Variants in URB2 observed in about 807,000 individuals in gnomAD.
The protein encoded by URB2 is URB2 ribosome biogenesis homolog.
Under a neutral mutation model 120.9 loss-of-function variants are expected in URB2, and 86 were observed. That is an observed-to-expected ratio of 0.71 (90% CI 0.60 to 0.85). The LOEUF (loss-of-function observed/expected upper bound fraction) is 0.85. Ranked by LOEUF, URB2 falls within the 40% of genes least tolerant of loss-of-function variation. URB2 has a pLI of 0.00. For missense variants in URB2, 1,765 were observed against 1,836.5 expected (o/e 0.96, Z 0.71); for synonymous variants, 755 against 758.4 (o/e 1.00, Z 0.07).
rs146968677 is a variant in URB2, at chr1:229,656,624, A to G, written c.4377+2236A>G. Among the ~76,000 whole-genome samples the G allele has an allele frequency of 3.5e-3, 527 of 152,346 alleles. 3 individuals carry two copies. The highest frequency in any genetic ancestry group is 0.012 in the African/African-American group (508 of 41,574). ...TTAAGTTTAATTAAATACCAGATCT[A>G]ATGCTAAATAGATCTCCTTTGCATT... On this transcript the variant is annotated intron_variant, in intron 9 of 9. Transcript: ENST00000258243.
rs202024489 is a variant in URB2 at position 229,637,518 on chromosome 1, G to C, written c.2905G>C (p.Asp969His). 5.0e-6 allele frequency: 8 copies of C among 1,614,090 alleles called. No homozygotes were observed. The highest frequency in any genetic ancestry group is 1.7e-5 in the Admixed American group (1 of 60,002). The change falls in exon 4 of 10, where the codon GAT becomes CAT. Residue 969 changes from aspartate to histidine, a missense_variant. Asp to His is a moderately conservative substitution (Grantham distance 81, BLOSUM62 -1). Transcript: ENST00000258243. ...RSVFKIMYGS[D>H]IFEVVLTSLF... ...TGTGTTCAAGATCATGTATGGTAGT[G>C]ATATTTTTGAGGTTGTACTGACCTC...
At chr1:229,658,632 TG>T (rs796145948) in intron 9 of URB2, among the ~76,000 whole-genome samples, 18 of 152,276 alleles carry the variant, frequency 1.2e-4, no homozygotes, top group African/African-American at 4.3e-4. Flanking sequence ...TGGGGTGAGA[TG>T]GGGGTCATAG....
intron 2 of URB2, among the ~76,000 whole-genome samples, chr1:229,630,332 G>A (rs1665627172): frequency 6.6e-6 from 1 of 152,196 alleles, no homozygotes; most frequent in Admixed American, 6.5e-5. Context: ...CAGAATGGAT[G>A]TTGTGTTAGC....
At chr1:229,648,262 T>C (rs989010309) in intron 7 of URB2, among the ~76,000 whole-genome samples, 1 of 152,246 alleles carries the variant, frequency 6.6e-6, no homozygotes, top group African/African-American at 2.4e-5. Context: ...ATCTCCAAGA[T>C]ATCTCATTGT....
chr1:229,634,951 C>T lies in URB2; in HGVS notation c.338C>T (p.Ser113Leu), dbSNP rs564888164. The T allele has an allele frequency of 9.1e-6, 14 of 1,542,152 alleles. No individual in the cohort carries two copies. In the African/African-American group the frequency reaches 9.7e-5, roughly 11 times the overall value. ...GAGAGAGTAGCTGAGTTCTCTCTTT[C>T]GGGATCCCAAAGAAACATCTGTGCT... The part of the protein sequence containing the change: ...INERVAEFSL[S>L]GSQRNICAVL... The change falls in exon 4 of 10, where the codon TCG becomes TTG. Residue 113 changes from serine (S) to leucine (L), a missense_variant. Physicochemically the swap from Ser to Leu is moderately radical, Grantham distance 145. Coordinates refer to ENST00000258243, the MANE Select transcript of URB2 (RefSeq NM_014777.4).
In URB2 at chr1:229,655,392, C is replaced by T. The variant is rs865865426; in HGVS notation, c.4377+1004C>T. 5.3e-5 allele frequency among the ~76,000 whole-genome samples: 8 copies of T among 152,126 alleles called. No homozygotes were observed. The South Asian group carries it at 6.2e-4, about 12-fold the overall frequency. ...AGGATTATAGGTGCCCACCACCACG[C>T]CCAGTTAATTTTTGTATTTTTAGTA... is the stretch of plus-strand genomic sequence containing the variant. On this transcript the variant is annotated intron_variant, in intron 9 of 9. Transcript: ENST00000258243.
intron 4 of URB2, among the ~76,000 whole-genome samples, chr1:229,643,153 T>A (rs1666053735): frequency 6.6e-6 from 1 of 152,178 alleles, no homozygotes; most frequent in Non-Finnish European, 1.5e-5. Flanking sequence ...GAGGAGGGGT[T>A]GGTCTTGCAG....
intron 9 of URB2, 86 bp from the exon 10 acceptor site, chr1:229,659,014 T>C: frequency 3.7e-6 from 5 of 1,345,418 alleles, no homozygotes; most frequent in Non-Finnish European, 5.1e-6. Flanking sequence ...AATTACTTGT[T>C]AGTGCTTCCC....
chr1:229,643,600 GT>G lies in URB2; in HGVS notation c.3704del (p.Leu1235Ter). 6.2e-7 allele frequency: 1 copy of G among 1,614,254 alleles called. No individual in the cohort carries two copies. The highest frequency in any genetic ancestry group is 8.5e-7 in the Non-Finnish European group (1 of 1,180,052). ...PHLGALFTQM[L>X]EVGTTEDLRL... ...ATTTGGGAGCCTTGTTCACCCAAAT[GT>G]TAGAGGTTGGGACGACAGAGGACTT... On this transcript the variant is annotated frameshift_variant, in exon 5 of 10. Coordinates refer to ENST00000258243, the MANE Select transcript of URB2 (RefSeq NM_014777.4). LOFTEE classifies it high-confidence loss of function.
chr1:229,645,457 C>G (rs1456014829), intron 5 of URB2, among the ~76,000 whole-genome samples: 2 of 152,170 alleles, frequency 1.3e-5, no homozygotes, highest in South Asian at 4.1e-4. Flanking sequence ...CCCCTCCTAT[C>G]TGTAAGCGTG....
chr1:229,635,208 G>T lies in URB2; in HGVS notation c.595G>T (p.Ala199Ser). ...AAGACGTGCCTTTGGGGATGTGACT[G>T]CTCACCTGCTCCAGCCGTGCCTGGT... ...NPRRAFGDVTAHLLQPCLVLR... is the reference protein window; with the variant it reads ...NPRRAFGDVTSHLLQPCLVLR... The change falls in exon 4 of 10, where the codon GCT becomes TCT. Residue 199 changes from alanine to serine, a missense_variant. Ala to Ser is a moderately conservative substitution (Grantham distance 99). Transcript: ENST00000258243. 6.2e-7 allele frequency: 1 copy of T among 1,614,232 alleles called. No homozygotes were observed. The highest frequency in any genetic ancestry group is 8.5e-7 in the Non-Finnish European group (1 of 1,180,044).
At position 229,627,599 on chromosome 1, in the gene URB2, T is replaced by C. The variant is rs1558159664; in HGVS notation, c.-13-22T>C. 1.0e-5 allele frequency: 16 copies of C among 1,603,872 alleles called. 1 individual carries two copies. Among genetic ancestry groups the C allele is most frequent in the South Asian group, 6.7e-5 (6 of 88,926 alleles). ...TCTGACATTGTTATAGTATTTTTTT[T>C]CCCATTGTTTTTAAATTTTAGATAA... is the stretch of plus-strand genomic sequence containing the variant. On this transcript the variant is annotated intron_variant, in intron 1 of 9. Coordinates refer to ENST00000258243, the MANE Select transcript of URB2 (RefSeq NM_014777.4).
intron 8 of URB2, among the ~76,000 whole-genome samples, chr1:229,651,527 T>G (rs1183203531): frequency 6.6e-6 from 1 of 152,252 alleles, no homozygotes; most frequent in Non-Finnish European, 1.5e-5. Flanking sequence ...ATCAGGCATC[T>G]CCTTATTGAA....
chr1:229,631,731 T>C (rs980113265), intron 2 of URB2, among the ~76,000 whole-genome samples: 1 of 152,182 alleles, frequency 6.6e-6, no homozygotes, highest in Admixed American at 6.5e-5. Flanking sequence ...AAGGACACGG[T>C]TCATGGTGCC....
chr1:229,628,190 AAT>A (rs1335595491), intron 2 of URB2, among the ~76,000 whole-genome samples: 10 of 144,500 alleles, frequency 6.9e-5, no homozygotes, highest in East Asian at 3.9e-4. Context: ...TAATATATAT[AAT>A]ATATATGTAT....
At chr1:229,649,490 A>G (rs1332058425) in intron 7 of URB2, among the ~76,000 whole-genome samples, 3 of 152,238 alleles carry the variant, frequency 2.0e-5, no homozygotes, top group African/African-American at 4.8e-5. Context: ...CCATTAGCAA[A>G]TGACCATTTA....
intron 8 of URB2, 41 bp downstream of exon 8, chr1:229,651,363 A>G (rs754999328): frequency 6.4e-7 from 1 of 1,567,344 alleles, no homozygotes; most frequent in Non-Finnish European, 8.7e-7. Context: ...AAATATATTC[A>G]TCATGAGGTG....
Position 229,647,539 on chromosome 1 carries a change from G to T in URB2, c.3936G>T (p.Gln1312His), listed in dbSNP as rs1666175462. Residue 1312 changes from glutamine (Q) to histidine (H), a missense_variant, in exon 7 of 10, where the codon CAG becomes CAT. Physicochemically the swap from Gln to His is conservative, Grantham distance 24. Transcript: ENST00000258243. ...TLLNREASQE[Q>H]PVSLTVVGPV... ...TAAACCGAGAAGCTTCTCAGGAGCAGCCTGTGTCCCTCACAGTGGTCGGGC... is the reference window on the plus strand; with the variant it reads ...TAAACCGAGAAGCTTCTCAGGAGCATCCTGTGTCCCTCACAGTGGTCGGGC... 8.7e-6 allele frequency: 14 copies of T among 1,614,040 alleles called. No individual in the cohort carries two copies. In the East Asian group the frequency reaches 3.1e-4, roughly 36 times the overall value.
At position 229,638,195 on chromosome 1, in the gene URB2, A is replaced by T; in HGVS notation, c.3582A>T (p.Lys1194Asn). ...TTTTGGCCCCAGAACTGCATCCCAA[A>T]AAGGACTCCGTGTTTACCTCCATGT... Reference protein sequence around the residue: ...LFFLAPELHPKKDSVFTSMFH... With the variant: ...LFFLAPELHPNKDSVFTSMFH... The change falls in exon 4 of 10, where the codon AAA (lysine) becomes AAT (asparagine). Residue 1194 changes from lysine to asparagine, a missense_variant. Lys to Asn is a moderately conservative substitution (Grantham distance 94). Coordinates refer to ENST00000258243, the MANE Select transcript of URB2 (RefSeq NM_014777.4). 6.2e-7 allele frequency: 1 copy of T among 1,613,544 alleles called. No individual in the cohort carries two copies. The highest frequency in any genetic ancestry group is 8.5e-7 in the Non-Finnish European group (1 of 1,179,776).
Sources: gnomAD v4.1 joint callset for allele counts (sites outside exome capture counted in the v4.1 genomes callset) on GRCh38, gnomAD v4.1.1 for gene constraint, MANE v1.5 for transcripts, NCBI Gene and HGNC (gene_info 2026-07-23, HGNC 2026-07-21) for gene names.